L3MBTL4: variants seen among roughly 807,000 people sequenced by gnomAD.
L3MBTL4 encodes L3MBTL histone methyl-lysine binding protein 4.
A neutral mutation model predicts 84.5 loss-of-function variants in L3MBTL4; 70 were observed. The ratio of observed to expected loss-of-function variants is 0.83; its 90% CI spans 0.68 to 1.01. L3MBTL4 has a LOEUF of 1.01. Ranked by LOEUF, L3MBTL4 falls within the 50% of genes least tolerant of loss-of-function variation. L3MBTL4 has a pLI of 0.00. For missense variants in L3MBTL4, 715 were observed against 754.8 expected, an observed-to-expected ratio of 0.95 and a Z score of 0.62; for synonymous variants, 274 against 259.8, an observed-to-expected ratio of 1.05 and a Z score of -0.52.
chr18:6,396,040 T>C (rs964586095), intron 1 of L3MBTL4: 1 of 152,030 alleles, frequency 6.6e-6, no homozygotes, highest in African/African-American at 2.4e-5. Context: ...ATGGCCAGTA[T>C]AGGTGAGAAA....
At chr18:6,104,010 C>T (rs1320142952) in intron 14 of L3MBTL4, among the ~76,000 whole-genome samples, 2 of 152,178 alleles carry the variant, frequency 1.3e-5, no homozygotes, top group Non-Finnish European at 2.9e-5. Context: ...CTGTGGGGCA[C>T]TGCAAAAGCA....
At chr18:6,255,236 T>G (rs896099365) in intron 5 of L3MBTL4, among the ~76,000 whole-genome samples, 1 of 152,192 alleles carries the variant, frequency 6.6e-6, no homozygotes, top group Non-Finnish European at 1.5e-5. Context: ...TCCTCCTCCT[T>G]CTGAAGAGCT....
chr18:6,136,642 A>G (rs531592232), intron 14 of L3MBTL4, among the ~76,000 whole-genome samples: 4 of 152,118 alleles, frequency 2.6e-5, no homozygotes, highest in Non-Finnish European at 5.9e-5. Flanking sequence ...CTTCACCTAC[A>G]TAGAGTGTAC....
At chr18:5,967,852 C>G (rs1439831442) in intron 17 of L3MBTL4, among the ~76,000 whole-genome samples, 1 of 152,232 alleles carries the variant, frequency 6.6e-6, no homozygotes, top group African/African-American at 2.4e-5. Context: ...AATGGCAGGA[C>G]AAGCAAGGGT....
At chr18:6,244,059 A>G (rs149670555) in intron 6 of L3MBTL4, among the ~76,000 whole-genome samples, 4 of 152,210 alleles carry the variant, frequency 2.6e-5, no homozygotes, top group African/African-American at 4.8e-5. Flanking sequence ...TAAGCCATTC[A>G]TCAAGAGCTC....
chr18:5,968,697 TAAATAAAATAAAATAAAATA>T lies in L3MBTL4; in HGVS notation c.1614+676_1614+695del, dbSNP rs34548706. ...GGGTAACAGAGCAAGACCTTGTCTC[TAAATAAAATAAAATAAAATA>T]AAATAAAATAAAATAAAATAAAATA... On this transcript the variant is annotated intron_variant, in intron 17 of 18. Transcript: ENST00000317931. Among the ~76,000 whole-genome samples the T allele has an allele frequency of 5.1e-3, 729 of 142,158 alleles. 5 individuals carry two copies. Among genetic ancestry groups the T allele is most frequent in the African/African-American group, 6.7e-3 (253 of 37,864 alleles). 93.3% of individuals were successfully genotyped at this position (142,158 alleles called of 152,430 possible). A position where few individuals can be genotyped will look rare whatever the true frequency, so the allele number is the denominator to read the frequency against.
rs71370547 is a variant in L3MBTL4, at chr18:6,196,157, C to CTTTTTTTTTTTT, written c.981+16980_981+16991dup. On this transcript the variant is annotated intron_variant, in intron 12 of 18. Transcript: ENST00000317931. ...TCATTTGTGCCTATCTAGAGTTCCT[C>CTTTTTTTTTTTT]TTTTTTTTTTTTTTTTTTGAGACTG... 9.8e-4 allele frequency among the ~76,000 whole-genome samples: 128 copies of CTTTTTTTTTTTT among 130,178 alleles called. 7 individuals are homozygous for CTTTTTTTTTTTT. The highest frequency in any genetic ancestry group is 4.1e-3 in the African/African-American group (124 of 30,514). 85.4% of individuals were successfully genotyped at this position (130,178 alleles called of 152,430 possible). A position where few individuals can be genotyped will look rare whatever the true frequency, so the allele number is the denominator to read the frequency against.
chr18:6,029,951 A>G (rs1309668657), intron 16 of L3MBTL4: 9 of 985,324 alleles, frequency 9.1e-6, no homozygotes, highest in Non-Finnish European at 9.6e-6. Context: ...GCTGACACCT[A>G]CAGAAGACAC....
At chr18:6,047,803 C>T (rs759495442) in intron 16 of L3MBTL4, among the ~76,000 whole-genome samples, 49 of 152,050 alleles carry the variant, frequency 3.2e-4, no homozygotes, top group South Asian at 8.3e-4. Flanking sequence ...TCTGAATGGG[C>T]GAAAGCTGGA....
chr18:6,044,932 C>A (rs374956502), intron 16 of L3MBTL4, among the ~76,000 whole-genome samples: 1 of 152,174 alleles, frequency 6.6e-6, no homozygotes. Context: ...CCCCAGAAGA[C>A]TTACTAAGTG....
intron 1 of L3MBTL4, among the ~76,000 whole-genome samples, chr18:6,343,313 A>G (rs113330206): frequency 0.011 from 1,647 of 152,322 alleles, 40 homozygotes; most frequent in African/African-American, 0.038. Context: ...CATACACATA[A>G]CATTCTCCAG....
chr18:5,991,429 A>T (rs1202631346), intron 16 of L3MBTL4, among the ~76,000 whole-genome samples: 1 of 152,188 alleles, frequency 6.6e-6, no homozygotes, highest in Non-Finnish European at 1.5e-5. Flanking sequence ...TGCCTTTAAG[A>T]GGCACATAAA....
chr18:6,393,868 C>T (rs973360388), intron 1 of L3MBTL4, among the ~76,000 whole-genome samples: 10 of 152,138 alleles, frequency 6.6e-5, no homozygotes, highest in Admixed American at 2.0e-4. Context: ...CAGGGCACCC[C>T]GTCACTATGA....
intron 16 of L3MBTL4, among the ~76,000 whole-genome samples, chr18:6,061,827 T>C (rs529351071): frequency 5.3e-5 from 8 of 152,074 alleles, no homozygotes; most frequent in African/African-American, 1.9e-4. Flanking sequence ...GTTTGCACTA[T>C]ACACTTACAA....
intron 4 of L3MBTL4, among the ~76,000 whole-genome samples, chr18:6,290,205 C>T (rs560494418): frequency 3.3e-5 from 5 of 152,164 alleles, no homozygotes; most frequent in Middle Eastern, 3.4e-3. Flanking sequence ...CATGAGGTGC[C>T]GTGCCCAGCC....
chr18:6,263,852 A>G, intron 5 of L3MBTL4, 95 bp downstream of exon 5: 1 of 856,844 alleles, frequency 1.2e-6, no homozygotes, highest in South Asian at 1.4e-5. Flanking sequence ...AATAATTCAA[A>G]TAAGTTGATG....
At chr18:6,097,869 G>A (rs1018288368) in intron 14 of L3MBTL4, among the ~76,000 whole-genome samples, 2 of 152,080 alleles carry the variant, frequency 1.3e-5, no homozygotes, top group Non-Finnish European at 2.9e-5. Context: ...CACGACTTCT[G>A]CCTCTTACTC....
At chr18:6,241,734 C>T (rs1439898725) in intron 7 of L3MBTL4, among the ~76,000 whole-genome samples, 1 of 152,160 alleles carries the variant, frequency 6.6e-6, no homozygotes, top group Non-Finnish European at 1.5e-5. Context: ...TCACGCGCAT[C>T]ATTCCCGATA....
chr18:5,985,276 G>A (rs2053417452), intron 16 of L3MBTL4, among the ~76,000 whole-genome samples: 1 of 152,174 alleles, frequency 6.6e-6, no homozygotes, highest in Non-Finnish European at 1.5e-5. Flanking sequence ...TTTTTGTTAA[G>A]GCTGACCTGA....
Sources: allele counts gnomAD v4.1 joint callset (sites outside exome capture counted in the v4.1 genomes callset), GRCh38; gene constraint gnomAD v4.1.1; transcripts MANE v1.5; gene names NCBI Gene and HGNC (gene_info 2026-07-23, HGNC 2026-07-21).